CROCC2: variants seen among roughly 807,000 people sequenced by gnomAD.
The protein encoded by CROCC2 is ciliary rootlet coiled-coil, rootletin family member 2, also known as ciliary rootlet coiled-coil protein 2.
In CROCC2, 163 loss-of-function variants were observed where a neutral mutation model predicts 177.6. The ratio of observed to expected loss-of-function variants is 0.92; its 90% CI spans 0.81 to 1.05. The LOEUF (loss-of-function observed/expected upper bound fraction) is 1.05, where lower values mean the gene tolerates loss of function less well. CROCC2 is among the 50% of genes least tolerant of loss of function. CROCC2 has a pLI of 0.00. For missense variants in CROCC2, 1,929 were observed against 1,797.8 expected, an observed-to-expected ratio of 1.07 and a Z score of -1.32; for synonymous variants, 904 against 787.3, an observed-to-expected ratio of 1.15 and a Z score of -2.48.
chr2:240,914,183 TC>T (rs894739889), intron 1 of CROCC2, among the ~76,000 whole-genome samples: 13 of 152,156 alleles, frequency 8.5e-5, no homozygotes, highest in Non-Finnish European at 1.8e-4. Flanking sequence ...CTGGGAAGGC[TC>T]ATCAGTGACC....
intron 1 of CROCC2, among the ~76,000 whole-genome samples, chr2:240,912,085 G>T (rs1014421429): frequency 6.6e-6 from 1 of 152,102 alleles, no homozygotes; most frequent in South Asian, 2.1e-4. Context: ...CGTAGTAACC[G>T]CACCGTCTTA....
rs768794461 is a variant in CROCC2, at chr2:240,950,374, C to T, written c.2693C>T (p.Ala898Val). 1.4e-5 allele frequency: 21 copies of T among 1,550,104 alleles called. No homozygotes were observed. The highest frequency in any genetic ancestry group is 1.2e-5 in the South Asian group (1 of 84,052). ...ACCCTGGCAGAGGAGAAGGAGGTAGCCAGATGCCAGCTGGAGCAGGAGAAG... is the reference window on the plus strand; with the variant it reads ...ACCCTGGCAGAGGAGAAGGAGGTAGTCAGATGCCAGCTGGAGCAGGAGAAG... ...SLTLAEEKEV[A>V]RCQLEQEKEL... The change falls in exon 18 of 32, where the codon GCC (alanine) becomes GTC (valine). Residue 898 changes from alanine to valine, a missense_variant. By Grantham distance (64) the Ala-to-Val change is moderately conservative. This residue lies in a region of CROCC2 where 1,397 missense variants were observed against 1,239.9 expected (regional missense o/e 1.13). Transcript: ENST00000690015.
rs1220415481 is a variant in CROCC2, at chr2:240,993,112, G to A, written c.*31G>A. 4.2e-6 allele frequency: 3 copies of A among 716,210 alleles called. No individual in the cohort carries two copies. Among genetic ancestry groups the A allele is most frequent in the Non-Finnish European group, 7.8e-6 (3 of 384,246 alleles). The allele number at this position is 716,210 out of a possible 1,614,324, so 44.4% of individuals were successfully genotyped here. A position where few individuals can be genotyped will look rare whatever the true frequency, so the allele number is the denominator to read the frequency against. On this transcript the variant is annotated 3_prime_UTR_variant, in exon 32 of 32. Transcript: ENST00000690015. ...CCAGCACAGGGGAGGCGCCCAGCGT[G>A]GCTGCAGAGGAAGGGAACGCACCGC... is the stretch of plus-strand genomic sequence containing the variant.
Position 240,960,137 on chromosome 2 carries a change from G to A in CROCC2, c.3087+693G>A, listed in dbSNP as rs1021957783. Among the ~76,000 whole-genome samples the A allele has an allele frequency of 1.3e-5, 2 of 152,254 alleles. No homozygotes were observed. The highest frequency in any genetic ancestry group is 2.9e-5 in the Non-Finnish European group (2 of 68,046). On this transcript the variant is annotated intron_variant, in intron 20 of 31. Coordinates refer to ENST00000690015, the MANE Select transcript of CROCC2 (RefSeq NM_001351305.2). This position sits in a 1 kb window ranked among gnomAD's most constrained non-coding sequence, Gnocchi z 5.0. ...CCGAGAGACAGGCATGACCTGGGGC[G>A]AAGGGGAATTCGGACCCTTGGCCAA...
chr2:240,972,587 G>A lies in CROCC2; in HGVS notation c.4401+4325G>A, dbSNP rs908641482. On this transcript the variant is annotated intron_variant, in intron 27 of 31. Coordinates refer to ENST00000690015, the MANE Select transcript of CROCC2 (RefSeq NM_001351305.2). The surrounding 1 kb of genome is among the most constrained non-coding windows in gnomAD (Gnocchi z 7.1). The stretch of plus-strand genomic sequence containing the variant: ...GTCCAACTTTGGGTCTCCACAATGA[G>A]TGCAGAGGACGTCTCTGACATTGAC... Among the ~76,000 whole-genome samples the A allele has an allele frequency of 2.0e-5, 3 of 151,972 alleles. No homozygotes were observed. Among genetic ancestry groups the A allele is most frequent in the Non-Finnish European group, 4.4e-5 (3 of 68,010 alleles).
intron 12 of CROCC2, 91 bp from the exon 13 acceptor site, chr2:240,934,825 T>C (rs2106462624): frequency 1.5e-6 from 2 of 1,345,862 alleles, no homozygotes; most frequent in East Asian, 2.9e-5. Flanking sequence ...CTTGCACACC[T>C]CCGTGGCTCA....
At chr2:240,932,965 C>T (rs2059443892) in intron 9 of CROCC2, 57 bp downstream of exon 9, 3 of 1,533,268 alleles carry the variant, frequency 2.0e-6, no homozygotes, top group African/African-American at 1.4e-5. Context: ...AACATGAGCC[C>T]CTCAGGCTGA....
At position 240,972,319 on chromosome 2, in the gene CROCC2, G is replaced by A. The variant is rs1004447917; in HGVS notation, c.4401+4057G>A. 3.3e-5 allele frequency among the ~76,000 whole-genome samples: 5 copies of A among 152,270 alleles called. No individual in the cohort carries two copies. Among genetic ancestry groups the A allele is most frequent in the Non-Finnish European group, 7.4e-5 (5 of 68,018 alleles). On this transcript the variant is annotated intron_variant, in intron 27 of 31. Coordinates refer to ENST00000690015, the MANE Select transcript of CROCC2 (RefSeq NM_001351305.2). The surrounding 1 kb of genome is among the most constrained non-coding windows in gnomAD (Gnocchi z 7.1). ...ATGGGGAGCCAGCAGTGGAGTTCTGGCCCTCCCGGAGCTGTTCTGTTCCTG... is the reference window on the plus strand; with the variant it reads ...ATGGGGAGCCAGCAGTGGAGTTCTGACCCTCCCGGAGCTGTTCTGTTCCTG...
intron 17 of CROCC2, 83 bp from the exon 18 acceptor site, chr2:240,950,251 C>A (rs903306810): frequency 1.4e-6 from 2 of 1,382,398 alleles, no homozygotes; most frequent in Non-Finnish European, 1.9e-6. Flanking sequence ...TGGCATCCCA[C>A]GGGCCAGGTC....
chr2:240,913,392 A>G (rs576685466), intron 1 of CROCC2, among the ~76,000 whole-genome samples: 72 of 152,320 alleles, frequency 4.7e-4, no homozygotes, highest in African/African-American at 1.7e-3. Flanking sequence ...AACAGGAAAG[A>G]CAGGGTCCTT....
At chr2:240,970,258 G>C (rs1483493394) in intron 27 of CROCC2, among the ~76,000 whole-genome samples, 2 of 152,166 alleles carry the variant, frequency 1.3e-5, no homozygotes, top group African/African-American at 2.4e-5. Flanking sequence ...TGCATGTCCT[G>C]TGACTGCTGT....
intron 14 of CROCC2, among the ~76,000 whole-genome samples, chr2:240,939,016 T>C (rs1158567082): frequency 6.6e-6 from 1 of 152,198 alleles, no homozygotes; most frequent in Non-Finnish European, 1.5e-5. Flanking sequence ...TCTTATCTTA[T>C]TGCACTAAGA....
intron 28 of CROCC2, among the ~76,000 whole-genome samples, chr2:240,985,624 CA>C (rs2059834221): frequency 8.8e-6 from 1 of 114,026 alleles, no homozygotes; most frequent in Admixed American, 9.0e-5. Context: ...ACACTCACTC[CA>C]CACACACCCA....
intron 22 of CROCC2, 117 bp downstream of exon 22, chr2:240,964,742 C>A: frequency 7.7e-7 from 1 of 1,297,392 alleles, no homozygotes; most frequent in Non-Finnish European, 1.0e-6. Context: ...ACCACTCTGT[C>A]CCCAGACTTT....
Position 240,917,632 on chromosome 2 carries a change from C to T in CROCC2, c.79-1094C>T, listed in dbSNP as rs111484805. Among the ~76,000 whole-genome samples the T allele has an allele frequency of 6.6e-6, 1 of 152,210 alleles. No homozygotes were observed. The highest frequency in any genetic ancestry group is 2.4e-5 in the African/African-American group (1 of 41,544). ...CCTCTGTGCTGGCGTGGGAGCCAGG[C>T]AAGGAGGACTTGGGTGGACTCTGGC... On this transcript the variant is annotated intron_variant, in intron 1 of 31. Transcript: ENST00000690015. The surrounding 1 kb of genome is among the most constrained non-coding windows in gnomAD (Gnocchi z 4.9).
rs1324661099 is a variant in CROCC2, at chr2:240,918,854, C to T, written c.207C>T (p.Ser69=). The T allele has an allele frequency of 7.5e-6, 5 of 664,924 alleles. No individual in the cohort carries two copies. The highest frequency in any genetic ancestry group is 1.4e-5 in the Non-Finnish European group (5 of 360,348). 41.2% of individuals were successfully genotyped at this position (664,924 alleles called of 1,614,324 possible). A position where few individuals can be genotyped will look rare whatever the true frequency, so the allele number is the denominator to read the frequency against. Residue 69 remains serine (S), a synonymous_variant, in exon 2 of 32, where the codon AGC becomes AGT. Coordinates refer to ENST00000690015, the MANE Select transcript of CROCC2 (RefSeq NM_001351305.2). The surrounding 1 kb of genome is among the most constrained non-coding windows in gnomAD (Gnocchi z 6.3). ...GCATCCGTGAGATCGTGGCCGGCAG[C>T]CTGAGTGAGGAGCCACCCCAAGGTG... is the stretch of plus-strand genomic sequence containing the variant. ...PTRIREIVAG[S]LSEEPPQAGV...
At position 240,988,777 on chromosome 2, in the gene CROCC2, G is replaced by A. The variant is rs1214595187; in HGVS notation, c.4590G>A (p.Ala1530=). The change falls in exon 29 of 32, where the codon GCG becomes GCA. Residue 1530 remains alanine, a synonymous_variant. Transcript: ENST00000690015. ...CACTGAAGAGGGAGGAGGATGTGGCGAGGCTGGGGGCTGAGAAGGAGCAGC... is the reference window on the plus strand; with the variant it reads ...CACTGAAGAGGGAGGAGGATGTGGCAAGGCTGGGGGCTGAGAAGGAGCAGC... ...QETLKREEDV[A]RLGAEKEQLD... is the part of the protein sequence containing the mutation. 6 of 1,509,200 alleles carry A rather than the reference G, an allele frequency of 4.0e-6. No individual in the cohort carries two copies. Among genetic ancestry groups the A allele is most frequent in the East Asian group, 5.1e-5 (2 of 38,904 alleles). The allele number at this position is 1,509,200 out of a possible 1,614,324, so 93.5% of individuals were successfully genotyped here.
chr2:240,906,538 G>A lies in CROCC2; in HGVS notation c.25G>A (p.Gly9Ser). The A allele has an allele frequency of 2.5e-6, 1 of 399,152 alleles. No individual in the cohort carries two copies. Among genetic ancestry groups the A allele is most frequent in the East Asian group, 3.6e-5 (1 of 28,078 alleles). 24.7% of individuals were successfully genotyped at this position (399,152 alleles called of 1,614,324 possible). A position where few individuals can be genotyped will look rare whatever the true frequency, so the allele number is the denominator to read the frequency against. MSSASSEP[G>S]NGDASQQPLL... ...AATGAGCTCTGCCTCCAGTGAGCCT[G>A]GCAATGGGGACGCCTCCCAACAGCC... Residue 9 changes from glycine to serine, a missense_variant, in exon 1 of 32, where the codon GGC (glycine) becomes AGC (serine). Physicochemically the swap from Gly to Ser is moderately conservative, Grantham distance 56 (BLOSUM62 0). Around this residue, in one of 3 missense-constraint regions of CROCC2, gnomAD observed 1,397 missense variants for 1,239.9 expected, o/e 1.13. Coordinates refer to ENST00000690015, the MANE Select transcript of CROCC2 (RefSeq NM_001351305.2).
rs780915392 is a variant in CROCC2 at position 240,949,594 on chromosome 2, G to A, written c.2544G>A (p.Thr848=). The part of the protein sequence containing the change: ...EVQEMKLRQD[T]VRLQRQVAQQ... ...AGGAAATGAAGCTGCGGCAGGACAC[G>A]GTGCGGCTCCAGCGACAGGTGGCAC... The change falls in exon 17 of 32, where the codon ACG becomes ACA. Residue 848 remains threonine, a synonymous_variant. Transcript: ENST00000690015. The surrounding 1 kb of genome is among the most constrained non-coding windows in gnomAD (Gnocchi z 4.5). 22 of 1,550,416 alleles carry A rather than the reference G, an allele frequency of 1.4e-5. No homozygotes were observed. Among genetic ancestry groups the A allele is most frequent in the South Asian group, 7.1e-5 (6 of 84,058 alleles).
Sources: gnomAD v4.1 joint callset for allele counts (sites outside exome capture counted in the v4.1 genomes callset) on GRCh38, gnomAD v4.1.1 for gene constraint, gnomAD v4.1.1 regional missense constraint, Gnocchi (gnomAD v3.1) non-coding constraint, MANE v1.5 for transcripts, NCBI Gene and HGNC (gene_info 2026-07-23, HGNC 2026-07-21) for gene names.